The following WDFY4 variants were observed in gnomAD, a reference collection of about 807,000 sequenced individuals.
WDFY4 encodes the protein WDFY family member 4.
Under a neutral mutation model 351.9 loss-of-function variants are expected in WDFY4, and 169 were observed. That is an observed-to-expected ratio of 0.48 (90% CI 0.42 to 0.55). The LOEUF (loss-of-function observed/expected upper bound fraction) is 0.55. WDFY4 is among the 20% of genes least tolerant of loss of function. WDFY4 has a pLI of 0.00. For missense variants in WDFY4, 3,803 were observed against 3,935.6 expected (o/e 0.97, Z 0.90); for synonymous variants, 1,622 against 1,574.6 (o/e 1.03, Z -0.71).
chr10:48,734,111 T>C, intron 10 of WDFY4, 76 bp downstream of exon 10: 1 of 1,313,050 alleles, frequency 7.6e-7, no homozygotes, highest in Non-Finnish European at 1.1e-6. Context: ...ATGGCAGTGT[T>C]CACAGGTTAT....
At chr10:48,812,475 CCA>C (rs1415796334) in intron 30 of WDFY4, among the ~76,000 whole-genome samples, 1 of 152,084 alleles carries the variant, frequency 6.6e-6, no homozygotes, top group East Asian at 1.9e-4. Flanking sequence ...CAGGCGTGAC[CCA>C]CCGCACCCGG....
intron 52 of WDFY4, among the ~76,000 whole-genome samples, chr10:48,958,899 C>T (rs886757605): frequency 6.6e-6 from 1 of 152,042 alleles, no homozygotes; most frequent in South Asian, 2.1e-4. Context: ...GCTCAGTAGC[C>T]AAGAGAGAGC....
At chr10:48,737,101 G>A (rs577363234) in intron 11 of WDFY4, among the ~76,000 whole-genome samples, 1 of 152,200 alleles carries the variant, frequency 6.6e-6, no homozygotes, top group South Asian at 2.1e-4. Context: ...TTTTAAAAAG[G>A]ATTGCTTGAG....
At chr10:48,830,387 G>A (rs1484348193) in intron 37 of WDFY4, among the ~76,000 whole-genome samples, 1 of 152,160 alleles carries the variant, frequency 6.6e-6, no homozygotes, top group African/African-American at 2.4e-5. Context: ...AGAATTATGG[G>A]GTGGAGAGTT....
At chr10:48,725,447 T>C (rs2132303192) in intron 5 of WDFY4, among the ~76,000 whole-genome samples, 1 of 152,274 alleles carries the variant, frequency 6.6e-6, no homozygotes, top group East Asian at 1.9e-4. Flanking sequence ...AGGAACCCAG[T>C]TAGGAGGCTT....
At chr10:48,787,889 TTCTCCTTCTTCTTCTTCTTCTTCTTCTTC>T in intron 20 of WDFY4, among the ~76,000 whole-genome samples, 3 of 79,048 alleles carry the variant, frequency 3.8e-5, no homozygotes, top group East Asian at 5.5e-4. Context: ...TTTCTTCTTC[TTCTCCTTCTTCTTCTTCTTCTTCTTCTTC>T]TTCTTCTTCT....
intron 39 of WDFY4, among the ~76,000 whole-genome samples, chr10:48,833,168 TGTGTGA>T (rs1473228492): frequency 5.6e-5 from 6 of 106,804 alleles, no homozygotes; most frequent in South Asian, 3.6e-4. Context: ...TGTGTGTGTG[TGTGTGA>T]GAGAGAGAGA....
In WDFY4 at chr10:48,743,093, A is replaced by G. The variant is rs1169347036; in HGVS notation, c.2004A>G (p.Ala668=). 1.3e-6 allele frequency: 2 copies of G among 1,551,550 alleles called. No homozygotes were observed. The highest frequency in any genetic ancestry group is 2.4e-5 in the East Asian group (1 of 40,926). The change falls in exon 12 of 62, where the codon GCA becomes GCG. Residue 668 remains alanine, a synonymous_variant. Coordinates refer to ENST00000325239, the MANE Select transcript of WDFY4 (RefSeq NM_001394531.1). ...EGSLQEPPLQ[A]WGAVSPRQTL... Reference sequence around the variant, plus strand: ...CCCTCCAGGAGCCCCCGCTGCAGGCATGGGGAGCAGTATCCCCCAGACAGA... The same window carrying G: ...CCCTCCAGGAGCCCCCGCTGCAGGCGTGGGGAGCAGTATCCCCCAGACAGA...
chr10:48,886,977 T>C (rs1200941721), intron 43 of WDFY4, among the ~76,000 whole-genome samples: 1 of 152,260 alleles, frequency 6.6e-6, no homozygotes, highest in Non-Finnish European at 1.5e-5. Flanking sequence ...CTAGGGCTAA[T>C]TTAAATGGAA....
chr10:48,866,356 G>T (rs1448983784), intron 39 of WDFY4, among the ~76,000 whole-genome samples: 1 of 151,802 alleles, frequency 6.6e-6, no homozygotes, highest in African/African-American at 2.4e-5. Flanking sequence ...TTAGGAATGT[G>T]CTTTTAAATC....
intron 1 of WDFY4, among the ~76,000 whole-genome samples, chr10:48,693,606 A>G (rs2063253886): frequency 1.3e-5 from 2 of 152,218 alleles, no homozygotes. Context: ...GAACCTGGGC[A>G]AATTTGAACA....
chr10:48,931,849 C>T lies in WDFY4; in HGVS notation c.7587-9957C>T, dbSNP rs1249822072. On this transcript the variant is annotated intron_variant, in intron 47 of 61. Transcript: ENST00000325239. ...AGATAGCTTTCCTTAGGACTTTGTG[C>T]AAACAGACATAACTATTGCCAGGAG... 2.6e-5 allele frequency among the ~76,000 whole-genome samples: 4 copies of T among 152,194 alleles called. 1 individual carries two copies. Among genetic ancestry groups the T allele is most frequent in the Non-Finnish European group, 5.9e-5 (4 of 68,042 alleles).
Position 48,970,140 on chromosome 10 carries a change from A to T in WDFY4, c.8779A>T (p.Thr2927Ser). ...CCCTTATCTCCTACAGGTCCTGATG[A>T]CATTCGAGAACCTGGCTGCCTGGGG... ...GSYGSDKVLM[T>S]FENLAAWGRC... Residue 2927 changes from threonine to serine, a missense_variant, in exon 57 of 62, where the codon ACA becomes TCA. Physicochemically the swap from Thr to Ser is moderately conservative, Grantham distance 58 (BLOSUM62 1). This residue lies in a region of WDFY4 where 3,054 missense variants were observed against 3,148.6 expected (regional missense o/e 0.97). Coordinates refer to ENST00000325239, the MANE Select transcript of WDFY4 (RefSeq NM_001394531.1). 1 of 1,551,520 alleles carries T rather than the reference A, an allele frequency of 6.4e-7. No homozygotes were observed. The highest frequency in any genetic ancestry group is 1.4e-5 in the African/African-American group (1 of 73,126).
intron 38 of WDFY4, among the ~76,000 whole-genome samples, chr10:48,832,073 T>C (rs1309978793): frequency 2.6e-5 from 4 of 152,238 alleles, no homozygotes; most frequent in African/African-American, 9.6e-5. Context: ...TCAGATTCTA[T>C]TTCAGAGAAA....
At chr10:48,936,236 A>G (rs1840351252) in intron 47 of WDFY4, among the ~76,000 whole-genome samples, 1 of 152,130 alleles carries the variant, frequency 6.6e-6, no homozygotes, top group South Asian at 2.1e-4. Flanking sequence ...AGCTAACTAT[A>G]ACATTTTTTA....
At chr10:48,795,603 C>T (rs549840847) in intron 23 of WDFY4, among the ~76,000 whole-genome samples, 7 of 150,064 alleles carry the variant, frequency 4.7e-5, no homozygotes, top group African/African-American at 1.2e-4. Flanking sequence ...CCGAAGGGCA[C>T]GTTGCAAGAA....
intron 28 of WDFY4, among the ~76,000 whole-genome samples, chr10:48,809,400 G>A (rs556129012): frequency 1.2e-3 from 154 of 130,372 alleles, no homozygotes; most frequent in African/African-American, 1.6e-3. Flanking sequence ...ACCACCAACA[G>A]CATCATCACC....
At chr10:48,964,258 A>G (rs1841983935) in intron 54 of WDFY4, among the ~76,000 whole-genome samples, 1 of 152,252 alleles carries the variant, frequency 6.6e-6, no homozygotes, top group Non-Finnish European at 1.5e-5. Flanking sequence ...GAAACTAGTG[A>G]AAGTTGTGTT....
intron 19 of WDFY4, among the ~76,000 whole-genome samples, chr10:48,784,061 G>T (rs1416959203): frequency 6.6e-6 from 1 of 152,186 alleles, no homozygotes. Context: ...TCAAGGTATG[G>T]ATGTGCCATA....
Sources: gnomAD v4.1 joint callset for allele counts (sites outside exome capture counted in the v4.1 genomes callset) on GRCh38, gnomAD v4.1.1 for gene constraint, gnomAD v4.1.1 regional missense constraint, MANE v1.5 for transcripts, NCBI Gene and HGNC (gene_info 2026-07-23, HGNC 2026-07-21) for gene names.